Variants in CRY1 observed in about 807,000 individuals in gnomAD.
CRY1 encodes the protein cryptochrome-1.
In CRY1, 45 loss-of-function variants were observed where a neutral mutation model predicts 76.0. The ratio of observed to expected loss-of-function variants is 0.59; its 90% confidence interval spans 0.47 to 0.76. The LOEUF is 0.76. Ranked by LOEUF, CRY1 falls within the 30% of genes least tolerant of loss-of-function variation. The pLI, the probability that CRY1 is intolerant of heterozygous loss-of-function variation, is 0.00. For missense variants in CRY1, 587 were observed against 716.4 expected, an observed-to-expected ratio of 0.82 and a Z score of 2.06; for synonymous variants, 248 against 244.0, an observed-to-expected ratio of 1.02 and a Z score of -0.15.
chr12:107,017,977 C>T (rs745597135), intron 2 of CRY1, among the ~76,000 whole-genome samples: 1 of 152,198 alleles, frequency 6.6e-6, no homozygotes, highest in Non-Finnish European at 1.5e-5. Flanking sequence ...TGTTTACTAT[C>T]TGTCTCCTTC....
chr12:107,060,036 T>A (rs989902155), intron 1 of CRY1, among the ~76,000 whole-genome samples: 1 of 152,220 alleles, frequency 6.6e-6, no homozygotes, highest in Admixed American at 6.5e-5. Context: ...TCAGTTGTAG[T>A]CCCCATCCAT....
At chr12:107,034,765 C>A (rs1196533359) in intron 1 of CRY1, among the ~76,000 whole-genome samples, 1 of 152,040 alleles carries the variant, frequency 6.6e-6, no homozygotes, top group Non-Finnish European at 1.5e-5. Context: ...AGAAGCAAAA[C>A]CATGATTATT....
intron 1 of CRY1, among the ~76,000 whole-genome samples, chr12:107,065,572 G>A (rs1953100029): frequency 6.6e-6 from 1 of 152,096 alleles, no homozygotes; most frequent in African/African-American, 2.4e-5. Flanking sequence ...TCCAGCCTGG[G>A]TGACAAGAGC....
intron 1 of CRY1, among the ~76,000 whole-genome samples, chr12:107,085,502 T>A (rs1188740619): frequency 3.3e-5 from 5 of 152,220 alleles, no homozygotes; most frequent in Admixed American, 3.3e-4. Flanking sequence ...AATGAGTTCA[T>A]GTCCTTTGCA....
intron 1 of CRY1, among the ~76,000 whole-genome samples, chr12:107,036,676 A>C (rs1952736754): frequency 6.6e-6 from 1 of 151,344 alleles, no homozygotes; most frequent in Non-Finnish European, 1.5e-5. Context: ...CATCTTTCTT[A>C]CTACTCTCCT....
chr12:107,062,703 A>G (rs1255387111), intron 1 of CRY1, among the ~76,000 whole-genome samples: 1 of 152,202 alleles, frequency 6.6e-6, no homozygotes, highest in Non-Finnish European at 1.5e-5. Context: ...AAGGAAATAT[A>G]TATTCAAGCC....
chr12:106,999,646 G>A lies in CRY1; in HGVS notation c.1042C>T (p.Arg348Cys), dbSNP rs749506981. 1 of 1,614,232 alleles carries A rather than the reference G, an allele frequency of 6.2e-7. No homozygotes were observed. The highest frequency in any genetic ancestry group is 8.5e-7 in the Non-Finnish European group (1 of 1,180,040). Residue 348 changes from arginine (R) to cysteine (C), a missense_variant, in exon 7 of 13, where the codon CGT becomes TGT. Transcript: ENST00000008527. ...AGATGATGAATCCAACCCTCCTGAC[G>A]AAGCTGTGTCATGATGGCATCAATC... is the stretch of plus-strand genomic sequence containing the variant. ...PWIDAIMTQL[R>C]QEGWIHHLAR... is the part of the protein sequence containing the mutation.
At chr12:106,997,439 A>T in intron 9 of CRY1, 49 bp downstream of exon 9, 1 of 1,612,604 alleles carries the variant, frequency 6.2e-7, no homozygotes, top group Non-Finnish European at 8.5e-7. Flanking sequence ...AAATTCAAAG[A>T]TAAGTACATA....
At chr12:107,001,212 G>C in intron 5 of CRY1, 68 bp downstream of exon 5, 1 of 1,175,254 alleles carries the variant, frequency 8.5e-7, no homozygotes. Context: ...TTTTAAAAGA[G>C]AGAAAAATTA....
chr12:107,091,167 GTGGC>G (rs1953467962), intron 1 of CRY1, among the ~76,000 whole-genome samples: 1 of 151,976 alleles, frequency 6.6e-6, no homozygotes, highest in Admixed American at 6.6e-5. Context: ...AGCCTCCTGA[GTGGC>G]TGAGATAACA....
In CRY1 at chr12:106,997,551, T is replaced by C. The variant is rs1440579024; in HGVS notation, c.1429A>G (p.Ser477Gly). 1 of 1,614,162 alleles carries C rather than the reference T, an allele frequency of 6.2e-7. No individual in the cohort carries two copies. The highest frequency in any genetic ancestry group is 1.1e-5 in the South Asian group (1 of 91,088). The change falls in exon 9 of 13, where the codon AGC becomes GGC. Residue 477 changes from serine (S) to glycine (G), a missense_variant. By Grantham distance (56) the Ser-to-Gly change is moderately conservative (BLOSUM62 0). Coordinates refer to ENST00000008527, the MANE Select transcript of CRY1 (RefSeq NM_004075.5). ...PKPMVNHAEA[S>G]RLNIERMKQI... is the part of the protein sequence containing the mutation. The stretch of plus-strand genomic sequence containing the variant: ...TTCATCCTTTCGATATTCAAACGGC[T>C]TGCCTCAGCATGGTTCACCATTGGT...
At chr12:107,010,636 G>A (rs1952434453) in intron 2 of CRY1, among the ~76,000 whole-genome samples, 1 of 151,580 alleles carries the variant, frequency 6.6e-6, no homozygotes, top group Non-Finnish European at 1.5e-5. Flanking sequence ...AAGAGACGTG[G>A]TTTCACTGTA....
intron 2 of CRY1, among the ~76,000 whole-genome samples, chr12:107,006,796 C>A (rs1952381633): frequency 6.6e-6 from 1 of 152,042 alleles, no homozygotes; most frequent in African/African-American, 2.4e-5. Context: ...GGATTAAAGG[C>A]ACATACCACC....
intron 2 of CRY1, among the ~76,000 whole-genome samples, chr12:107,012,869 G>A (rs1952460564): frequency 6.6e-6 from 1 of 152,172 alleles, no homozygotes; most frequent in African/African-American, 2.4e-5. Flanking sequence ...TACAAATGTG[G>A]TAGAAATAGC....
At chr12:107,001,248 C>G (rs1952305970) in intron 5 of CRY1, 32 bp downstream of exon 5, 1 of 1,485,066 alleles carries the variant, frequency 6.7e-7, no homozygotes, top group Admixed American at 2.0e-5. Flanking sequence ...TTTGGAAATA[C>G]AAGCATAGCT....
chr12:107,052,480 A>G (rs1346370788), intron 1 of CRY1, among the ~76,000 whole-genome samples: 1 of 152,198 alleles, frequency 6.6e-6, no homozygotes, highest in Non-Finnish European at 1.5e-5. Flanking sequence ...TTCTAGAAGG[A>G]GAGGGAGTAA....
intron 1 of CRY1, among the ~76,000 whole-genome samples, chr12:107,066,307 CTTT>C (rs757733733): frequency 4.0e-5 from 6 of 149,772 alleles, no homozygotes; most frequent in Non-Finnish European, 4.4e-5. Context: ...AAATTTACTT[CTTT>C]TTATTTTAAA....
At chr12:107,091,650 C>G (rs938934287) in intron 1 of CRY1, among the ~76,000 whole-genome samples, 2 of 152,230 alleles carry the variant, frequency 1.3e-5, no homozygotes, top group Admixed American at 6.5e-5. Context: ...ATCTTGAAAA[C>G]TGCTTATAAG....
intron 2 of CRY1, among the ~76,000 whole-genome samples, chr12:107,013,183 G>A (rs1423917034): frequency 6.6e-6 from 1 of 152,160 alleles, no homozygotes; most frequent in Admixed American, 6.6e-5. Context: ...AGAAATCTTT[G>A]GTGAAAGGAA....
Sources: allele counts gnomAD v4.1 joint callset (sites outside exome capture counted in the v4.1 genomes callset), GRCh38; gene constraint gnomAD v4.1.1; transcripts MANE v1.5; gene names NCBI Gene and HGNC (gene_info 2026-07-23, HGNC 2026-07-21).